Variants in RTTN observed in about 807,000 individuals in gnomAD.
RTTN encodes rotatin.
A neutral mutation model predicts 269.2 loss-of-function variants in RTTN; 182 were observed. The observed-to-expected ratio is 0.68, with a 90% CI of 0.60 to 0.76. The LOEUF (loss-of-function observed/expected upper bound fraction) is 0.76, where lower values mean the gene tolerates loss of function less well. Among genes scored for constraint, RTTN ranks in the 30% least tolerant of loss-of-function variants. RTTN has a pLI of 0.00. For synonymous variants in RTTN, 1,006 were observed against 963.5 expected, an observed-to-expected ratio of 1.04 and a Z score of -0.82; for missense variants, 2,545 against 2,608.6, an observed-to-expected ratio of 0.98 and a Z score of 0.53.
intron 17 of RTTN, 75 bp downstream of exon 17, chr18:70,148,826 A>G (rs2060462538): frequency 1.3e-6 from 2 of 1,554,362 alleles, no homozygotes; most frequent in Admixed American, 3.7e-5. Context: ...TTTGTTTCAA[A>G]TTATATATAG....
intron 36 of RTTN, 51 bp downstream of exon 36, chr18:70,059,799 G>T (rs2057924448): frequency 8.2e-7 from 1 of 1,222,932 alleles, no homozygotes; most frequent in Non-Finnish European, 1.1e-6. Flanking sequence ...AATACAGTTT[G>T]TGTAAATTTA....
chr18:70,166,684 G>A (rs2145909201), intron 13 of RTTN: 2 of 372,348 alleles, frequency 5.4e-6, no homozygotes, highest in South Asian at 6.0e-5. Context: ...AAAATCCAAG[G>A]ATTATTCATT....
At chr18:70,158,434 G>A (rs993919924) in intron 14 of RTTN, among the ~76,000 whole-genome samples, 1 of 152,070 alleles carries the variant, frequency 6.6e-6, no homozygotes, top group African/African-American at 2.4e-5. Context: ...CTTACAAGGG[G>A]TCCTCAATGG....
intron 34 of RTTN, among the ~76,000 whole-genome samples, chr18:70,073,604 T>C (rs2058352792): frequency 6.6e-6 from 1 of 152,184 alleles, no homozygotes; most frequent in African/African-American, 2.4e-5. Context: ...ATATTCAGTG[T>C]AGCTATACCG....
In RTTN at chr18:70,197,605, A is replaced by G. The variant is rs1294199750; in HGVS notation, c.693+19T>C. 1 of 1,490,884 alleles carries G rather than the reference A, an allele frequency of 6.7e-7. No homozygotes were observed. Among genetic ancestry groups the G allele is most frequent in the East Asian group, 2.3e-5 (1 of 44,228 alleles). 92.4% of individuals were successfully genotyped at this position (1,490,884 alleles called of 1,614,324 possible). On this transcript the variant is annotated intron_variant, in intron 6 of 48. Coordinates refer to ENST00000640769, the MANE Select transcript of RTTN (RefSeq NM_173630.4). ...AGTTCTCTAGTTCAAAATCTAAAAC[A>G]ATTATAGAGGGCACTGACCTGAACA...
intron 19 of RTTN, among the ~76,000 whole-genome samples, chr18:70,141,387 T>C (rs1451426242): frequency 6.6e-6 from 1 of 152,148 alleles, no homozygotes; most frequent in Non-Finnish European, 1.5e-5. Flanking sequence ...TAACAGTGTA[T>C]TACACTAGTT....
intron 14 of RTTN, among the ~76,000 whole-genome samples, chr18:70,153,367 C>T (rs1263212883): frequency 6.6e-6 from 1 of 152,008 alleles, no homozygotes; most frequent in Non-Finnish European, 1.5e-5. Flanking sequence ...ACATACATCT[C>T]TCTCTGTCCC....
At chr18:70,071,292 C>G (rs190834355) in intron 34 of RTTN, among the ~76,000 whole-genome samples, 1 of 152,232 alleles carries the variant, frequency 6.6e-6, no homozygotes, top group Admixed American at 6.5e-5. Context: ...TTCTTTAAAT[C>G]TGTGTTCCAG....
At chr18:70,114,341 A>G (rs1381519174) in intron 27 of RTTN, 104 bp downstream of exon 27, 1 of 1,047,698 alleles carries the variant, frequency 9.5e-7, no homozygotes, top group Non-Finnish European at 1.4e-6. Context: ...TATTTGAAAG[A>G]AGTATTTCTT....
At chr18:70,030,154 A>G in intron 41 of RTTN, 45 bp from the exon 42 acceptor site, 1 of 1,339,816 alleles carries the variant, frequency 7.5e-7, no homozygotes, top group Non-Finnish European at 1.1e-6. Context: ...TTCTATTTCC[A>G]AGTAAGTTAT....
intron 34 of RTTN, among the ~76,000 whole-genome samples, chr18:70,068,770 G>A (rs1250475510): frequency 6.6e-6 from 1 of 152,184 alleles, no homozygotes; most frequent in Non-Finnish European, 1.5e-5. Context: ...AATGGTCTAA[G>A]TGCAAAATCA....
At chr18:70,121,464 T>G in intron 26 of RTTN, 92 bp downstream of exon 26, 1 of 1,124,864 alleles carries the variant, frequency 8.9e-7, no homozygotes, top group Non-Finnish European at 1.3e-6. Context: ...ATAGACAATA[T>G]AAAATTATCC....
intron 10 of RTTN, among the ~76,000 whole-genome samples, chr18:70,186,870 C>T (rs1002352975): frequency 3.9e-5 from 6 of 152,082 alleles, no homozygotes; most frequent in Admixed American, 2.6e-4. Context: ...GATTACTCGA[C>T]GGCAGAGAGT....
At chr18:70,026,929 C>A (rs535653842) in intron 43 of RTTN, among the ~76,000 whole-genome samples, 1 of 152,188 alleles carries the variant, frequency 6.6e-6, no homozygotes, top group East Asian at 1.9e-4. Context: ...GAGGCTAGCA[C>A]GTGCAAGCAT....
At chr18:70,070,726 G>A (rs928210233) in intron 34 of RTTN, among the ~76,000 whole-genome samples, 6 of 152,126 alleles carry the variant, frequency 3.9e-5, no homozygotes, top group South Asian at 2.1e-4. Flanking sequence ...TTAGCTTTCC[G>A]TCCCACATTC....
chr18:70,079,109 G>A (rs1328025933), intron 32 of RTTN, among the ~76,000 whole-genome samples: 2 of 151,988 alleles, frequency 1.3e-5, no homozygotes, highest in Non-Finnish European at 2.9e-5. Context: ...ATATACAGTG[G>A]TAACTCCCTG....
intron 26 of RTTN, among the ~76,000 whole-genome samples, chr18:70,119,165 A>G (rs2059673530): frequency 6.6e-6 from 1 of 152,092 alleles, no homozygotes; most frequent in African/African-American, 2.4e-5. Flanking sequence ...TGATGATATA[A>G]TCTTAAATCT....
At chr18:70,133,986 C>T (rs1302244434) in intron 23 of RTTN, among the ~76,000 whole-genome samples, 1 of 151,970 alleles carries the variant, frequency 6.6e-6, no homozygotes, top group East Asian at 1.9e-4. Context: ...CTGGAGAAAC[C>T]ACACCATGTT....
chr18:70,145,816 G>A lies in RTTN; in HGVS notation c.2310-33C>T, dbSNP rs182941379. 49 of 1,544,324 alleles carry A rather than the reference G, an allele frequency of 3.2e-5. No individual in the cohort carries two copies. In the Middle Eastern group the frequency reaches 8.6e-4, roughly 27 times the overall value. On this transcript the variant is annotated intron_variant, in intron 17 of 48. Transcript: ENST00000640769. ...CACAAAGTACTTAAGTCGAACTTTCGTGATATGCAAATGTCTATTTTAAAA... is the reference window on the plus strand; with the variant it reads ...CACAAAGTACTTAAGTCGAACTTTCATGATATGCAAATGTCTATTTTAAAA...
Sources: allele counts gnomAD v4.1 joint callset (sites outside exome capture counted in the v4.1 genomes callset), GRCh38; gene constraint gnomAD v4.1.1; transcripts MANE v1.5; gene names NCBI Gene and HGNC (gene_info 2026-07-23, HGNC 2026-07-21).